Variants in COL19A1 observed in about 807,000 individuals in gnomAD.
The protein encoded by COL19A1 is collagen alpha-1(XIX) chain.
Under a neutral mutation model 190.2 loss-of-function variants are expected in COL19A1, and 159 were observed. The ratio of observed to expected loss-of-function variants is 0.84; its 90% CI spans 0.73 to 0.95. The LOEUF (loss-of-function observed/expected upper bound fraction) is 0.95, where lower values mean the gene tolerates loss of function less well. COL19A1 is among the 40% of genes least tolerant of loss of function. The pLI is 0.00. For synonymous variants in COL19A1, 509 were observed against 458.9 expected (o/e 1.11, Z -1.39); for missense variants, 1,418 against 1,431.9 (o/e 0.99, Z 0.16).
chr6:69,981,401 G>GA (rs1262259796), intron 11 of COL19A1, among the ~76,000 whole-genome samples: 31 of 152,020 alleles, frequency 2.0e-4, no homozygotes, highest in African/African-American at 7.5e-4. Flanking sequence ...AAAAAATGCA[G>GA]AAAAATGTAT....
chr6:70,126,473 G>A (rs736905), intron 17 of COL19A1, among the ~76,000 whole-genome samples: 1,668 of 152,210 alleles, frequency 0.011, 27 homozygotes, highest in African/African-American at 0.038. Flanking sequence ...ACAGACATAT[G>A]GACTTTCAGA....
At chr6:70,019,302 T>C (rs1333216637) in intron 11 of COL19A1, among the ~76,000 whole-genome samples, 1 of 152,124 alleles carries the variant, frequency 6.6e-6, no homozygotes, top group Non-Finnish European at 1.5e-5. Flanking sequence ...GTAAGGTGCT[T>C]AGCACAGGGC....
chr6:70,057,703 G>A (rs1202203527), intron 14 of COL19A1, among the ~76,000 whole-genome samples: 2 of 152,094 alleles, frequency 1.3e-5, no homozygotes, highest in African/African-American at 4.8e-5. Context: ...TCCTCCAGAT[G>A]TAAGCATAGC....
In COL19A1 at chr6:70,168,673, G is replaced by A. The variant is rs1418753311; in HGVS notation, c.2560G>A (p.Gly854Ser). Residue 854 changes from glycine to serine, a missense_variant, in exon 40 of 51, where the codon GGC (glycine) becomes AGC (serine). Transcript: ENST00000620364. ...PGPPGPKGDP[G>S]PVGEPGAMGL... is the part of the protein sequence containing the mutation. ...CTTACAGGGCCCAAAAGGCGATCCT[G>A]GCCCAGTGGTATGAATGTTCCCATG... is the stretch of plus-strand genomic sequence containing the variant. 1 of 1,612,688 alleles carries A rather than the reference G, an allele frequency of 6.2e-7. No homozygotes were observed. The highest frequency in any genetic ancestry group is 1.7e-5 in the Admixed American group (1 of 59,772).
intron 40 of COL19A1, among the ~76,000 whole-genome samples, chr6:70,171,111 A>G (rs1307147852): frequency 6.6e-6 from 1 of 152,250 alleles, no homozygotes; most frequent in African/African-American, 2.4e-5. Flanking sequence ...AATATGGCCA[A>G]CACAAATTTG....
chr6:69,985,859 A>C (rs1452787158), intron 11 of COL19A1, among the ~76,000 whole-genome samples: 2 of 152,188 alleles, frequency 1.3e-5, no homozygotes, highest in Non-Finnish European at 2.9e-5. Context: ...ATATTATCAT[A>C]AAATGCATAT....
intron 2 of COL19A1, among the ~76,000 whole-genome samples, chr6:69,891,960 C>T (rs1200315815): frequency 6.6e-6 from 1 of 152,096 alleles, no homozygotes; most frequent in African/African-American, 2.4e-5. Context: ...GAAAATTTGT[C>T]TTGAGGGAGT....
intron 14 of COL19A1, among the ~76,000 whole-genome samples, chr6:70,062,758 T>G (rs540155510): frequency 3.9e-5 from 6 of 152,030 alleles, no homozygotes; most frequent in Admixed American, 6.6e-5. Flanking sequence ...GAGACACACA[T>G]AGGCTCAAAA....
At chr6:69,891,790 T>C (rs958570714) in intron 2 of COL19A1, among the ~76,000 whole-genome samples, 8 of 152,200 alleles carry the variant, frequency 5.3e-5, no homozygotes, top group African/African-American at 1.7e-4. Flanking sequence ...CCTTCATCCA[T>C]GAAACAGGAA....
At chr6:69,935,233 A>G (rs1243841051) in intron 7 of COL19A1, among the ~76,000 whole-genome samples, 1 of 152,084 alleles carries the variant, frequency 6.6e-6, no homozygotes, top group Non-Finnish European at 1.5e-5. Context: ...TATGTGTCAA[A>G]TCAAAACCAG....
intron 4 of COL19A1, among the ~76,000 whole-genome samples, chr6:69,909,992 C>T (rs371741424): frequency 7.2e-4 from 110 of 152,218 alleles, no homozygotes; most frequent in Admixed American, 1.5e-3. Flanking sequence ...TTGTGTCCCT[C>T]GTGGTACCTG....
rs1436175422 is a variant in COL19A1, at chr6:70,156,176, A to G, written c.2129A>G (p.Lys710Arg). The part of the protein sequence containing the change: ...QASVPGLKSN[K>R]GEEGGAGEPG... ...AGTGTCCCAGGGCTGAAAAGCAACA[A>G]AGGAGAAGAAGGAGGTGCTGGTGAG... Residue 710 changes from lysine (K) to arginine (R), a missense_variant, in exon 32 of 51, where the codon AAA (lysine) becomes AGA (arginine). Coordinates refer to ENST00000620364, the MANE Select transcript of COL19A1 (RefSeq NM_001858.6). 6.2e-7 allele frequency: 1 copy of G among 1,613,276 alleles called. No individual in the cohort carries two copies. Among genetic ancestry groups the G allele is most frequent in the South Asian group, 1.1e-5 (1 of 91,074 alleles).
chr6:69,934,382 CT>C (rs1772971940), intron 7 of COL19A1, among the ~76,000 whole-genome samples: 1 of 151,954 alleles, frequency 6.6e-6, no homozygotes, highest in East Asian at 1.9e-4. Flanking sequence ...TTTAATTATG[CT>C]TTTTTGATGT....
intron 44 of COL19A1, among the ~76,000 whole-genome samples, chr6:70,184,319 T>C (rs1766372482): frequency 6.6e-6 from 1 of 152,232 alleles, no homozygotes; most frequent in South Asian, 2.1e-4. Context: ...ATGAGGCACC[T>C]TCTTATTTCT....
intron 10 of COL19A1, among the ~76,000 whole-genome samples, chr6:69,960,755 G>C (rs1188201995): frequency 6.6e-6 from 1 of 151,574 alleles, no homozygotes; most frequent in Non-Finnish European, 1.5e-5. Flanking sequence ...GCCTCCCGAG[G>C]AGCTGGGACT....
chr6:69,951,729 T>C (rs1774134342), intron 9 of COL19A1, among the ~76,000 whole-genome samples: 1 of 151,892 alleles, frequency 6.6e-6, no homozygotes, highest in Non-Finnish European at 1.5e-5. Context: ...CTTCACATTA[T>C]TTCATTCACT....
intron 18 of COL19A1, among the ~76,000 whole-genome samples, chr6:70,135,202 C>G (rs1200657932): frequency 6.6e-6 from 1 of 152,120 alleles, no homozygotes; most frequent in Non-Finnish European, 1.5e-5. Flanking sequence ...GTCATGCCAC[C>G]CTCCAGGAAC....
intron 11 of COL19A1, among the ~76,000 whole-genome samples, chr6:69,970,526 T>C (rs1416677722): frequency 6.6e-6 from 1 of 152,206 alleles, no homozygotes; most frequent in Non-Finnish European, 1.5e-5. Context: ...AAGTCAAAGT[T>C]GAAATTTTTT....
Position 70,184,749 on chromosome 6 carries a change from T to C in COL19A1, c.2811+11T>C. On this transcript the variant is annotated intron_variant, in intron 45 of 50. Transcript: ENST00000620364. The stretch of plus-strand genomic sequence containing the variant: ...ATACCAGGTGCTCAGGTATGGGAAA[T>C]ATGATTTAAAATAAAAGTTATAATG... The C allele has an allele frequency of 6.2e-7, 1 of 1,603,256 alleles. No individual in the cohort carries two copies. The highest frequency in any genetic ancestry group is 8.5e-7 in the Non-Finnish European group (1 of 1,171,978).
Sources: allele counts gnomAD v4.1 joint callset (sites outside exome capture counted in the v4.1 genomes callset), GRCh38; gene constraint gnomAD v4.1.1; transcripts MANE v1.5; gene names NCBI Gene and HGNC (gene_info 2026-07-23, HGNC 2026-07-21).